LHFPL4: variants seen among roughly 807,000 people sequenced by gnomAD.
LHFPL4 encodes the protein LHFPL tetraspan subfamily member 4 protein.
LHFPL4 carries 6 observed loss-of-function variants against 20.0 expected under a neutral mutation model. That is an observed-to-expected ratio of 0.30 (90% CI 0.16 to 0.59). The LOEUF is 0.59. LHFPL4 is among the 20% of genes least tolerant of loss of function. LHFPL4 has a pLI of 0.88. For missense variants in LHFPL4, 215 were observed against 331.2 expected (o/e 0.65, Z 2.72); for synonymous variants, 129 against 143.8 (o/e 0.90, Z 0.74).
At chr3:9,537,159 C>G (rs1415356944) in intron 2 of LHFPL4, among the ~76,000 whole-genome samples, 1 of 152,174 alleles carries the variant, frequency 6.6e-6, no homozygotes, top group Non-Finnish European at 1.5e-5. Context: ...CTGCCAACAG[C>G]TGACCGTGGC....
At chr3:9,517,574 T>C (rs1367448165) in intron 2 of LHFPL4, among the ~76,000 whole-genome samples, 3 of 151,394 alleles carry the variant, frequency 2.0e-5, no homozygotes, top group Non-Finnish European at 4.4e-5. Flanking sequence ...TGTGGTGGCA[T>C]GTTCCCAGCT....
chr3:9,548,654 G>A (rs2046533235), intron 2 of LHFPL4, among the ~76,000 whole-genome samples: 1 of 152,200 alleles, frequency 6.6e-6, no homozygotes, highest in Non-Finnish European at 1.5e-5. Context: ...GAAAACTTCT[G>A]TTGGCGCTTG....
intron 2 of LHFPL4, among the ~76,000 whole-genome samples, chr3:9,514,447 A>G (rs1055378494): frequency 4.6e-5 from 7 of 152,142 alleles, no homozygotes; most frequent in Non-Finnish European, 8.8e-5. Context: ...CTCCCTCACT[A>G]TCGACATCCC....
rs1405445981 is a variant in LHFPL4, at chr3:9,532,976, G to A, written c.406+19298C>T. On this transcript the variant is annotated intron_variant, in intron 2 of 3. Coordinates refer to ENST00000287585, the MANE Select transcript of LHFPL4 (RefSeq NM_198560.3). ...GCTGCTGCAGGGGCCCTGGAGGACA[G>A]TGCGGGGCTGCAGAAGCTGCCAAAG... is the stretch of plus-strand genomic sequence containing the variant. 3.3e-5 allele frequency among the ~76,000 whole-genome samples: 5 copies of A among 152,192 alleles called. No individual in the cohort carries two copies. The South Asian group carries it at 6.2e-4, about 19-fold the overall frequency.
intron 2 of LHFPL4, among the ~76,000 whole-genome samples, chr3:9,530,353 C>G (rs1192864779): frequency 6.6e-6 from 1 of 152,212 alleles, no homozygotes; most frequent in Non-Finnish European, 1.5e-5. Context: ...CCACCTGCTG[C>G]TTTACTTTGC....
At chr3:9,540,211 T>C (rs2046468893) in intron 2 of LHFPL4, among the ~76,000 whole-genome samples, 1 of 152,154 alleles carries the variant, frequency 6.6e-6, no homozygotes, top group Non-Finnish European at 1.5e-5. Flanking sequence ...GTGATGCACC[T>C]ATAGAAAAGT....
chr3:9,524,246 C>CA, intron 2 of LHFPL4, among the ~76,000 whole-genome samples: 1 of 151,176 alleles, frequency 6.6e-6, no homozygotes, highest in East Asian at 1.9e-4. Flanking sequence ...GCATATCCTG[C>CA]ATGGTGTTCT....
At chr3:9,505,359 TCTCAGGCTCAGGTGATCCTCCCACCTCAG>T (rs2046209980) in intron 3 of LHFPL4, among the ~76,000 whole-genome samples, 1 of 151,630 alleles carries the variant, frequency 6.6e-6, no homozygotes, top group Non-Finnish European at 1.5e-5. Context: ...GCCTCAACCT[TCTCAGGCTCAGGTGATCCTCCCACCTCAG>T]CCTCCTGAGT....
chr3:9,549,949 C>T (rs1313295052), intron 2 of LHFPL4, among the ~76,000 whole-genome samples: 1 of 152,104 alleles, frequency 6.6e-6, no homozygotes, highest in Non-Finnish European at 1.5e-5. Context: ...CCAGGCTAAT[C>T]TCCAACTCCT....
At chr3:9,507,993 C>A (rs1440068238) in intron 2 of LHFPL4, among the ~76,000 whole-genome samples, 1 of 152,230 alleles carries the variant, frequency 6.6e-6, no homozygotes, top group Non-Finnish European at 1.5e-5. Context: ...CTGTTTGGAA[C>A]CGTGGGGACC....
At chr3:9,525,646 G>C (rs1157625676) in intron 2 of LHFPL4, among the ~76,000 whole-genome samples, 2 of 152,052 alleles carry the variant, frequency 1.3e-5, no homozygotes, top group African/African-American at 4.8e-5. Context: ...GAAATGCATT[G>C]CAACAATGAG....
chr3:9,515,581 C>T (rs984718622), intron 2 of LHFPL4, among the ~76,000 whole-genome samples: 6 of 152,062 alleles, frequency 3.9e-5, no homozygotes, highest in East Asian at 1.9e-4. Flanking sequence ...ACCATGTTGG[C>T]CAGGCTGGTC....
chr3:9,514,113 G>A (rs1405775784), intron 2 of LHFPL4, among the ~76,000 whole-genome samples: 1 of 152,108 alleles, frequency 6.6e-6, no homozygotes. Flanking sequence ...GGGTACAGTT[G>A]TATATGTTGT....
chr3:9,507,824 G>A (rs958265671), intron 2 of LHFPL4, among the ~76,000 whole-genome samples: 7 of 152,316 alleles, frequency 4.6e-5, no homozygotes, highest in African/African-American at 1.2e-4. Context: ...CACCTCCTGC[G>A]TCACAGGGCA....
intron 2 of LHFPL4, among the ~76,000 whole-genome samples, chr3:9,515,318 C>A (rs766276396): frequency 3.3e-5 from 5 of 152,172 alleles, no homozygotes; most frequent in Non-Finnish European, 5.9e-5. Flanking sequence ...CTGCTAAGGT[C>A]TTTTGCCCAA....
In LHFPL4 at chr3:9,549,568, G is replaced by A. The variant is rs373127773; in HGVS notation, c.406+2706C>T. On this transcript the variant is annotated intron_variant, in intron 2 of 3. Transcript: ENST00000287585. ...AAAAATTAGCCAGGCGTTGTGGCAG[G>A]CACCTGTGATCCCAGCTACTCAGGA... Among the ~76,000 whole-genome samples, 134 of 152,222 alleles carry A rather than the reference G, an allele frequency of 8.8e-4. 1 individual carries two copies. The South Asian group carries it at 9.1e-3, about 10-fold the overall frequency.
chr3:9,523,989 C>CCCA (rs199821914), intron 2 of LHFPL4, among the ~76,000 whole-genome samples: 2,687 of 141,494 alleles, frequency 0.019, 102 homozygotes, highest in African/African-American at 0.066. Context: ...TATTTCCCCC[C>CCCA]CCCCCAACAC....
At chr3:9,514,517 A>C (rs2046284756) in intron 2 of LHFPL4, among the ~76,000 whole-genome samples, 1 of 152,200 alleles carries the variant, frequency 6.6e-6, no homozygotes, top group South Asian at 2.1e-4. Context: ...TATCACCCAA[A>C]GATCATAGCT....
Position 9,531,677 on chromosome 3 carries a change from T to C in LHFPL4, c.406+20597A>G, listed in dbSNP as rs113789988. 4.4e-3 allele frequency among the ~76,000 whole-genome samples: 665 copies of C among 152,184 alleles called. 4 individuals carry two copies. The highest frequency in any genetic ancestry group is 0.015 in the African/African-American group (638 of 41,524). On this transcript the variant is annotated intron_variant, in intron 2 of 3. Coordinates refer to ENST00000287585, the MANE Select transcript of LHFPL4 (RefSeq NM_198560.3). Reference sequence around the variant, plus strand: ...ATTAGCCAGGTGTGTGGTGCGCACCTGTAATCACAGCTACTTGGGAGACTG... The same window carrying C: ...ATTAGCCAGGTGTGTGGTGCGCACCCGTAATCACAGCTACTTGGGAGACTG...
Sources: gnomAD v4.1 joint callset for allele counts (sites outside exome capture counted in the v4.1 genomes callset) on GRCh38, gnomAD v4.1.1 for gene constraint, MANE v1.5 for transcripts, NCBI Gene and HGNC (gene_info 2026-07-23, HGNC 2026-07-21) for gene names.